RPS6KA5: variants seen among roughly 807,000 people sequenced by gnomAD.
RPS6KA5 encodes the protein ribosomal protein S6 kinase alpha-5.
A neutral mutation model predicts 85.5 loss-of-function variants in RPS6KA5; 27 were observed. The observed-to-expected ratio is 0.32, with a 90% CI of 0.23 to 0.44. RPS6KA5 has a LOEUF of 0.44. Among genes scored for constraint, RPS6KA5 ranks in the 20% least tolerant of loss-of-function variants. RPS6KA5 has a pLI of 1.00. For missense variants in RPS6KA5, 811 were observed against 980.9 expected, an observed-to-expected ratio of 0.83 and a Z score of 2.31; for synonymous variants, 334 against 348.2, an observed-to-expected ratio of 0.96 and a Z score of 0.46.
At chr14:91,051,457 C>G (rs1188322252) in intron 1 of RPS6KA5, among the ~76,000 whole-genome samples, 1 of 151,844 alleles carries the variant, frequency 6.6e-6, no homozygotes, top group Non-Finnish European at 1.5e-5. Flanking sequence ...AGTAAATCAC[C>G]ACTCTGGACT....
At chr14:90,978,947 A>G (rs1441695324) in intron 2 of RPS6KA5, among the ~76,000 whole-genome samples, 1 of 152,204 alleles carries the variant, frequency 6.6e-6, no homozygotes, top group East Asian at 1.9e-4. Flanking sequence ...AATTTCATAT[A>G]TATATAAATC....
At position 90,941,883 on chromosome 14, in the gene RPS6KA5, T is replaced by C. The variant is rs891017291; in HGVS notation, c.618+1195A>G. Among the ~76,000 whole-genome samples, 177 of 152,328 alleles carry C rather than the reference T, an allele frequency of 1.2e-3. 2 individuals carry two copies. Among genetic ancestry groups the C allele is most frequent in the African/African-American group, 3.9e-3 (161 of 41,578 alleles). Reference sequence around the variant, plus strand: ...TATTAAGGAGGCAACGGTAAACAGATTTAATCTGCTACAATTTGCTGAAGT... The same window carrying C: ...TATTAAGGAGGCAACGGTAAACAGACTTAATCTGCTACAATTTGCTGAAGT... On this transcript the variant is annotated intron_variant, in intron 5 of 16. Coordinates refer to ENST00000614987, the MANE Select transcript of RPS6KA5 (RefSeq NM_004755.4).
In RPS6KA5 at chr14:90,910,690, T is replaced by A. The variant is rs1411811565; in HGVS notation, c.807-4391A>T. Among the ~76,000 whole-genome samples the A allele has an allele frequency of 2.0e-3, 305 of 149,132 alleles. 1 individual carries two copies. The highest frequency in any genetic ancestry group is 7.0e-3 in the African/African-American group (284 of 40,338). ...TTATTATTATCATTATTATTATTTT[T>A]TTTTTTTTTTTTTGAGACAGAGTCT... On this transcript the variant is annotated intron_variant, in intron 7 of 16. Transcript: ENST00000614987.
At chr14:90,940,980 A>C (rs1189997487) in intron 5 of RPS6KA5, among the ~76,000 whole-genome samples, 1 of 152,198 alleles carries the variant, frequency 6.6e-6, no homozygotes, top group African/African-American at 2.4e-5. Context: ...ACCAGTCCCT[A>C]GTGCCAAAAA....
In RPS6KA5 at chr14:90,856,043, A is replaced by G. The variant is rs2032269232; in HGVS notation, c.*16031T>C. The G allele has an allele frequency of 6.6e-6, 1 of 152,204 alleles. No homozygotes were observed. Among genetic ancestry groups the G allele is most frequent in the African/African-American group, 2.4e-5 (1 of 41,458 alleles). 9.4% of individuals were successfully genotyped at this position (152,204 alleles called of 1,614,324 possible). On this transcript the variant is annotated 3_prime_UTR_variant, in exon 17 of 17. Transcript: ENST00000614987. Reference sequence around the variant, plus strand: ...AAACTTTAGGGCAAAGATACAAGTAATGATAAGCTGGATATGATCACCATG... The same window carrying G: ...AAACTTTAGGGCAAAGATACAAGTAGTGATAAGCTGGATATGATCACCATG...
chr14:90,866,442 A>T lies in RPS6KA5; in HGVS notation c.*5632T>A, dbSNP rs2401923. On this transcript the variant is annotated 3_prime_UTR_variant, in exon 17 of 17. Transcript: ENST00000614987. Reference sequence around the variant, plus strand: ...GTGATCACGCCACTGCACTCCGGCCAGGGTGACAGAGTGAGACCCTGTCTC... The same window carrying T: ...GTGATCACGCCACTGCACTCCGGCCTGGGTGACAGAGTGAGACCCTGTCTC... 1 allele frequency: 152,412 copies of T among 152,412 alleles called. 76,206 individuals are homozygous for T. Among genetic ancestry groups the T allele is most frequent in the Non-Finnish European group, 1 (68,134 of 68,134 alleles). 9.4% of individuals were successfully genotyped at this position (152,412 alleles called of 1,614,324 possible).
rs1306927299 is a variant in RPS6KA5, at chr14:90,861,310, CAGG to C, written c.*10761_*10763del. On this transcript the variant is annotated 3_prime_UTR_variant, in exon 17 of 17. Transcript: ENST00000614987. ...GGCCGAGGCGGGCGGATCACGAGGT[CAGG>C]AGATCGAGACCATCCCGGCTAAAAC... 1.3e-5 allele frequency: 2 copies of C among 149,382 alleles called. No individual in the cohort carries two copies. Among genetic ancestry groups the C allele is most frequent in the African/African-American group, 2.4e-5 (1 of 40,860 alleles). The allele number at this position is 149,382 out of a possible 1,614,324, so 9.3% of individuals were successfully genotyped here.
intron 13 of RPS6KA5, chr14:90,894,069 A>T: frequency 7.3e-6 from 7 of 955,688 alleles, no homozygotes; most frequent in Non-Finnish European, 8.7e-6. Flanking sequence ...TTGGAAAAAA[A>T]ACCCTCTAAA....
chr14:91,004,335 T>C (rs2040916191), intron 1 of RPS6KA5, among the ~76,000 whole-genome samples: 1 of 152,106 alleles, frequency 6.6e-6, no homozygotes, highest in African/African-American at 2.4e-5. Context: ...CTTCCCAAAG[T>C]GCTGGGATTA....
intron 1 of RPS6KA5, among the ~76,000 whole-genome samples, chr14:91,041,053 G>T (rs1422354935): frequency 6.6e-6 from 1 of 151,974 alleles, no homozygotes; most frequent in Non-Finnish European, 1.5e-5. Context: ...GGGCGACAGA[G>T]AATTTTTTTT....
At chr14:90,917,732 C>CA (rs2036196408) in intron 7 of RPS6KA5, among the ~76,000 whole-genome samples, 1 of 68,102 alleles carries the variant, frequency 1.5e-5, no homozygotes, top group African/African-American at 4.7e-5. Context: ...ACAAATCATT[C>CA]CTTTTTTTTA....
intron 2 of RPS6KA5, among the ~76,000 whole-genome samples, chr14:90,998,037 A>G (rs1160184753): frequency 6.6e-6 from 1 of 151,182 alleles, no homozygotes; most frequent in Non-Finnish European, 1.5e-5. Flanking sequence ...AAAAGTATGA[A>G]GTAGTGATGT....
At position 90,976,980 on chromosome 14, in the gene RPS6KA5, T is replaced by A. The variant is rs78959132; in HGVS notation, c.394+1326A>T. 1.5e-3 allele frequency among the ~76,000 whole-genome samples: 225 copies of A among 152,226 alleles called. 1 individual carries two copies. The highest frequency in any genetic ancestry group is 5.1e-3 in the African/African-American group (213 of 41,526). ...TAATCAAAGAATACAGGCAGCAATT[T>A]AGGGAAACAGAAGACAGACATTGGA... is the stretch of plus-strand genomic sequence containing the variant. On this transcript the variant is annotated intron_variant, in intron 3 of 16. Transcript: ENST00000614987.
intron 7 of RPS6KA5, among the ~76,000 whole-genome samples, chr14:90,907,198 A>C (rs1323618548): frequency 2.0e-5 from 3 of 152,238 alleles, no homozygotes; most frequent in Non-Finnish European, 1.5e-5. Flanking sequence ...TTGCAAAAAG[A>C]TTCCCTATTG....
intron 3 of RPS6KA5, among the ~76,000 whole-genome samples, chr14:90,954,046 G>A (rs1247403958): frequency 6.6e-6 from 1 of 152,070 alleles, no homozygotes; most frequent in East Asian, 1.9e-4. Flanking sequence ...AAACTTGCTG[G>A]CTTTAAGGCT....
rs201424443 is a variant in RPS6KA5, at chr14:90,920,280, T to C, written c.732A>G (p.Leu244=). ...KAVDWWSLGV[L]MYELLTGASP... is the part of the protein sequence containing the mutation. Reference sequence around the variant, plus strand: ...ATGCTCCAGTTAGTAATTCATACATTAGAACACCCAAACTCCACCAGTCAA... The same window carrying C: ...ATGCTCCAGTTAGTAATTCATACATCAGAACACCCAAACTCCACCAGTCAA... The change falls in exon 7 of 17, where the codon CTA becomes CTG. Residue 244 remains leucine, a synonymous_variant. Transcript: ENST00000614987. 2 of 1,612,066 alleles carry C rather than the reference T, an allele frequency of 1.2e-6. No homozygotes were observed. Among genetic ancestry groups the C allele is most frequent in the Non-Finnish European group, 1.7e-6 (2 of 1,178,594 alleles).
chr14:90,951,776 G>A (rs548612580), intron 3 of RPS6KA5, among the ~76,000 whole-genome samples: 11 of 152,032 alleles, frequency 7.2e-5, no homozygotes, highest in South Asian at 4.2e-4. Context: ...GGAAGATAAG[G>A]GCATTACCCC....
At chr14:91,049,658 A>G (rs765206389) in intron 1 of RPS6KA5, among the ~76,000 whole-genome samples, 3 of 152,164 alleles carry the variant, frequency 2.0e-5, no homozygotes, top group Non-Finnish European at 4.4e-5. Context: ...CTACAAAAAA[A>G]GTACAAACAC....
intron 1 of RPS6KA5, among the ~76,000 whole-genome samples, chr14:91,039,668 G>A (rs2042530379): frequency 6.6e-6 from 1 of 152,170 alleles, no homozygotes; most frequent in Admixed American, 6.5e-5. Flanking sequence ...AGTAAACAAT[G>A]TGCAGCAATA....
Sources: gnomAD v4.1 joint callset for allele counts (sites outside exome capture counted in the v4.1 genomes callset) on GRCh38, gnomAD v4.1.1 for gene constraint, MANE v1.5 for transcripts, NCBI Gene and HGNC (gene_info 2026-07-23, HGNC 2026-07-21) for gene names.